The following PTP4A3 variants were observed in gnomAD, a reference collection of about 807,000 sequenced individuals.
PTP4A3 encodes protein tyrosine phosphatase 4A3.
A neutral mutation model predicts 15.2 loss-of-function variants in PTP4A3; 9 were observed. That is an observed-to-expected ratio of 0.59 (90% CI 0.36 to 1.03). The LOEUF is 1.03. Among genes scored for constraint, PTP4A3 ranks in the 50% least tolerant of loss-of-function variants. The pLI is 0.02. For synonymous variants in PTP4A3, 95 were observed against 102.0 expected (o/e 0.93, Z 0.41); for missense variants, 234 against 252.1 (o/e 0.93, Z 0.49).
At chr8:141,414,569 G>C (rs1046484825) in intron 1 of PTP4A3, among the ~76,000 whole-genome samples, 2 of 152,118 alleles carry the variant, frequency 1.3e-5, no homozygotes, top group African/African-American at 2.4e-5. Context: ...GGAGAGGTTC[G>C]GGCAGGTGGC....
rs143304857 is a variant in PTP4A3 at position 141,399,866 on chromosome 8, G to A, written c.-854+7782G>A. On this transcript the variant is annotated intron_variant, in intron 1 of 5. Transcript: ENST00000521578. ...TGCGGGACCCACAAGGAGCTCACATGGGGGAGAGGCGACATTTGAACAACG... is the reference window on the plus strand; with the variant it reads ...TGCGGGACCCACAAGGAGCTCACATAGGGGAGAGGCGACATTTGAACAACG... Among the ~76,000 whole-genome samples the A allele has an allele frequency of 3.3e-3, 501 of 152,360 alleles. 2 individuals carry two copies. The highest frequency in any genetic ancestry group is 6.1e-3 in the Non-Finnish European group (412 of 68,034).
intron 4 of PTP4A3, 46 bp from the exon 5 acceptor site, chr8:141,427,704 G>A (rs1484533152): frequency 1.3e-6 from 2 of 1,507,666 alleles, no homozygotes; most frequent in African/African-American, 1.4e-5. Flanking sequence ...CAAGGGGACA[G>A]GGGTGCGCAG....
At chr8:141,395,480 A>G (rs1832421133) in intron 1 of PTP4A3, among the ~76,000 whole-genome samples, 1 of 152,192 alleles carries the variant, frequency 6.6e-6, no homozygotes, top group African/African-American at 2.4e-5. Flanking sequence ...CTCAGGGCTC[A>G]GCTGGGGTCC....
chr8:141,417,608 A>AG (rs1455542672), intron 1 of PTP4A3, among the ~76,000 whole-genome samples: 2 of 151,818 alleles, frequency 1.3e-5, no homozygotes, highest in Non-Finnish European at 2.9e-5. Context: ...TGAGGGGGCC[A>AG]GGGGGAGCTC....
intron 1 of PTP4A3, among the ~76,000 whole-genome samples, chr8:141,418,421 G>A (rs1833155336): frequency 3.3e-5 from 5 of 152,234 alleles, no homozygotes; most frequent in Admixed American, 3.3e-4. Flanking sequence ...TCCTAGATTT[G>A]AGCCAGAGAG....
intron 5 of PTP4A3, 35 bp downstream of exon 5, chr8:141,427,859 G>C (rs758475446): frequency 1.4e-5 from 21 of 1,531,938 alleles, no homozygotes; most frequent in Non-Finnish European, 1.9e-5. Flanking sequence ...GGCTGTGAGC[G>C]CTGGGGGAGG....
chr8:141,426,740 TGAG>T (rs1005038981), intron 3 of PTP4A3, 196 bp from the exon 4 acceptor site: 48 of 947,646 alleles, frequency 5.1e-5, no homozygotes, highest in East Asian at 3.5e-4. Flanking sequence ...CAGGGAATGA[TGAG>T]GAGTCTGAAG....
At chr8:141,420,535 T>G (rs935254311) in intron 1 of PTP4A3, among the ~76,000 whole-genome samples, 4 of 152,148 alleles carry the variant, frequency 2.6e-5, no homozygotes, top group Admixed American at 6.5e-5. Context: ...TGGCCCCCCC[T>G]GCCGCCTCCC....
At chr8:141,394,672 C>T (rs893893556) in intron 1 of PTP4A3, among the ~76,000 whole-genome samples, 2 of 152,204 alleles carry the variant, frequency 1.3e-5, no homozygotes, top group Non-Finnish European at 2.9e-5. Flanking sequence ...GAAGCTTGGT[C>T]ACACGGGTGA....
intron 3 of PTP4A3, chr8:141,426,369 C>T (rs1833577567): frequency 2.2e-6 from 2 of 902,888 alleles, no homozygotes; most frequent in East Asian, 1.2e-4. Flanking sequence ...ACCAAATTAA[C>T]CCCCAGGAGC....
In PTP4A3 at chr8:141,425,791, G is replaced by A. The variant is rs775916650; in HGVS notation, c.198+651G>A. 7.2e-5 allele frequency among the ~76,000 whole-genome samples: 11 copies of A among 152,208 alleles called. No individual in the cohort carries two copies. The highest frequency in any genetic ancestry group is 1.3e-4 in the Non-Finnish European group (9 of 68,020). On this transcript the variant is annotated intron_variant, in intron 3 of 5. Coordinates refer to ENST00000521578, the MANE Select transcript of PTP4A3 (RefSeq NM_032611.3). This position sits in a 1 kb window ranked among gnomAD's most constrained non-coding sequence, Gnocchi z 4.2. The stretch of plus-strand genomic sequence containing the variant: ...TCACTGCTTTTCATCCCAGGACTCT[G>A]CTTTTGGCTGGGGTTGCAGTTTTGT...
chr8:141,408,243 G>T (rs1384081246), intron 1 of PTP4A3, among the ~76,000 whole-genome samples: 1 of 152,180 alleles, frequency 6.6e-6, no homozygotes, highest in Non-Finnish European at 1.5e-5. Flanking sequence ...GGTGGGAGGG[G>T]GCGATGGAAG....
At chr8:141,423,721 C>G (rs114888937) in intron 2 of PTP4A3, among the ~76,000 whole-genome samples, 1 of 149,116 alleles carries the variant, frequency 6.7e-6, no homozygotes, top group South Asian at 2.1e-4. Flanking sequence ...TGACCAGGGT[C>G]GAAGCTCAGT....
chr8:141,403,252 G>A (rs542597886), intron 1 of PTP4A3, among the ~76,000 whole-genome samples: 2 of 152,358 alleles, frequency 1.3e-5, no homozygotes, highest in Non-Finnish European at 2.9e-5. Flanking sequence ...GGCCTCGCGC[G>A]GGGCCAAGGA....
At chr8:141,412,299 C>G (rs1281679131) in intron 1 of PTP4A3, among the ~76,000 whole-genome samples, 1 of 152,198 alleles carries the variant, frequency 6.6e-6, no homozygotes, top group Non-Finnish European at 1.5e-5. Context: ...CTGACAGGGT[C>G]CCACTGTGGA....
At chr8:141,424,062 G>A (rs1833453301) in intron 2 of PTP4A3, among the ~76,000 whole-genome samples, 1 of 152,068 alleles carries the variant, frequency 6.6e-6, no homozygotes, top group African/African-American at 2.4e-5. Flanking sequence ...CCGTGGGCTG[G>A]GTGGCCATTC....
chr8:141,402,578 C>G (rs766237295), intron 1 of PTP4A3, among the ~76,000 whole-genome samples: 2 of 152,142 alleles, frequency 1.3e-5, no homozygotes, highest in Non-Finnish European at 2.9e-5. Context: ...GCGCCTGTCC[C>G]GGCCTCCTGC....
intron 1 of PTP4A3, among the ~76,000 whole-genome samples, chr8:141,409,926 A>T (rs1832824276): frequency 6.6e-6 from 1 of 152,160 alleles, no homozygotes; most frequent in African/African-American, 2.4e-5. Context: ...CTGGGCATCC[A>T]GTCTGGCCTT....
At chr8:141,405,839 G>A (rs1297350776) in intron 1 of PTP4A3, among the ~76,000 whole-genome samples, 2 of 152,088 alleles carry the variant, frequency 1.3e-5, no homozygotes, top group African/African-American at 4.8e-5. Flanking sequence ...GCCAGCACCG[G>A]ACGATGTGGG....
Sources: gnomAD v4.1 joint callset for allele counts (sites outside exome capture counted in the v4.1 genomes callset) on GRCh38, gnomAD v4.1.1 for gene constraint, Gnocchi (gnomAD v3.1) non-coding constraint, MANE v1.5 for transcripts, NCBI Gene and HGNC (gene_info 2026-07-23, HGNC 2026-07-21) for gene names.